SLC12A7: variants seen among roughly 807,000 people sequenced by gnomAD.
SLC12A7 encodes the protein K-Cl cotransporter 4.
In SLC12A7, 100 loss-of-function variants were observed where a neutral mutation model predicts 120.6. The observed-to-expected ratio is 0.83, with a 90% CI of 0.71 to 0.98. The LOEUF (loss-of-function observed/expected upper bound fraction) is 0.98. SLC12A7 is among the 50% of genes least tolerant of loss of function. SLC12A7 has a pLI of 0.00. For missense variants in SLC12A7, 1,373 were observed against 1,548.1 expected, an observed-to-expected ratio of 0.89 and a Z score of 1.90; for synonymous variants, 760 against 678.0, an observed-to-expected ratio of 1.12 and a Z score of -1.88.
Position 1,077,982 on chromosome 5 carries a change from G to C in SLC12A7, c.1480C>G (p.Leu494Val). ...DKFGEALQGN[L>V]VIGMLAWPSP... ...GGCCAGGCCAGCATGCCGATGACCA[G>C]GTTCCCCTGCAGGGCCTCCCCGAAC... The change falls in exon 12 of 24, where the codon CTG becomes GTG. Residue 494 changes from leucine to valine, a missense_variant. Coordinates refer to ENST00000264930, the MANE Select transcript of SLC12A7 (RefSeq NM_006598.3). 1 of 1,585,274 alleles carries C rather than the reference G, an allele frequency of 6.3e-7. No homozygotes were observed.
chr5:1,101,498 CCGCTGGT>C (rs1742010211), intron 1 of SLC12A7, among the ~76,000 whole-genome samples: 1 of 152,196 alleles, frequency 6.6e-6, no homozygotes, highest in Non-Finnish European at 1.5e-5. Context: ...AGGCCGACAG[CCGCTGGT>C]GGAGAACCAG....
Position 1,089,142 on chromosome 5 carries a change from T to C in SLC12A7, c.343-14A>G, listed in dbSNP as rs769765835. On this transcript the variant is annotated splice_polypyrimidine_tract_variant and intron_variant, in intron 3 of 23. Transcript: ENST00000264930. ...CATGCGCGGAGCCTGCGACAGAGCA[T>C]AGCGTGTCCCAGGGGCTCGTACCCC... The C allele has an allele frequency of 1.9e-6, 3 of 1,611,428 alleles. No individual in the cohort carries two copies. The highest frequency in any genetic ancestry group is 1.3e-5 in the African/African-American group (1 of 74,926).
At chr5:1,064,323 CAGCCA>C in intron 18 of SLC12A7, 71 bp from the exon 19 acceptor site, 1 of 1,531,226 alleles carries the variant, frequency 6.5e-7, no homozygotes, top group Non-Finnish European at 8.8e-7. Flanking sequence ...CGGGGACTCA[CAGCCA>C]GTGCAGGGGC....
the SLC12A7 span, among the ~76,000 whole-genome samples, chr5:1,151,406 C>T: frequency 1.1e-3 from 164 of 152,350 alleles, no homozygotes; most frequent in African/African-American, 3.8e-3. This position sits in a 1 kb window ranked among gnomAD's most constrained non-coding sequence, Gnocchi z 6.2. Context: ...GGCCCGGCCT[C>T]TGCCAGCCCC....
At chr5:1,073,912 G>A (rs1738017426) in intron 16 of SLC12A7, 111 bp from the exon 17 acceptor site, 4 of 1,086,860 alleles carry the variant, frequency 3.7e-6, no homozygotes, top group Non-Finnish European at 4.8e-6. Context: ...TGGGACGGGA[G>A]ATACATGACA....
the SLC12A7 span, among the ~76,000 whole-genome samples, chr5:1,147,400 G>A: frequency 1.3e-5 from 2 of 150,516 alleles, no homozygotes; most frequent in Admixed American, 1.3e-4. Flanking sequence ...GAGTCCCTCC[G>A]ACCCGGAGAG....
chr5:1,103,345 G>A (rs1253329020), intron 1 of SLC12A7, among the ~76,000 whole-genome samples: 1 of 152,190 alleles, frequency 6.6e-6, no homozygotes, highest in East Asian at 1.9e-4. Context: ...CACCGTCAGA[G>A]GCACTGGAAG....
intron 8 of SLC12A7, among the ~76,000 whole-genome samples, chr5:1,082,326 A>G (rs1325933693): frequency 1.4e-5 from 2 of 144,056 alleles, no homozygotes; most frequent in Non-Finnish European, 3.0e-5. Context: ...AGGGTTCTGG[A>G]AAGTCCGGGC....
At chr5:1,084,053 C>T (rs1265680105) in intron 7 of SLC12A7, 97 bp from the exon 8 acceptor site, 23 of 1,024,844 alleles carry the variant, frequency 2.2e-5, no homozygotes, top group East Asian at 7.7e-5. Context: ...GTGTCGCCCG[C>T]GAGTGGCTCC....
At chr5:1,085,740 C>CGGAGCCCGCGGGGGTCAGCGCACAGGCG (rs1739795025) in intron 6 of SLC12A7, among the ~76,000 whole-genome samples, 2 of 111,314 alleles carry the variant, frequency 1.8e-5, no homozygotes, top group Admixed American at 8.7e-5. Flanking sequence ...GCGCACAGGC[C>CGGAGCCCGCGGGGGTCAGCGCACAGGCG]ATGGACAGCC....
At chr5:1,150,120 G>A in the SLC12A7 span, among the ~76,000 whole-genome samples, 1 of 152,336 alleles carries the variant, frequency 6.6e-6, no homozygotes, top group African/African-American at 2.4e-5. Flanking sequence ...TGCTGTTGCT[G>A]TTGAGTTGTA....
In SLC12A7 at chr5:1,111,988, G is replaced by T; in HGVS notation, c.4C>A (p.Pro2Thr). 2 of 1,275,836 alleles carry T rather than the reference G, an allele frequency of 1.6e-6. No individual in the cohort carries two copies. The highest frequency in any genetic ancestry group is 3.1e-5 in the South Asian group (1 of 32,180). The allele number at this position is 1,275,836 out of a possible 1,614,324, so 79.0% of individuals were successfully genotyped here. Reference sequence around the variant, plus strand: ...ACGGGCACCACGGTGAAGTTGGTGGGCATGGCCGCCTGCAGCCGACAGTCC... The same window carrying T: ...ACGGGCACCACGGTGAAGTTGGTGGTCATGGCCGCCTGCAGCCGACAGTCC... Reference protein sequence around the residue: MPTNFTVVPVEA... With the variant: MTTNFTVVPVEA... The change falls in exon 1 of 24, where the codon CCC (proline) becomes ACC (threonine). Residue 2 changes from proline (P) to threonine (T), a missense_variant. Physicochemically the swap from Pro to Thr is conservative, Grantham distance 38 (BLOSUM62 -1). Coordinates refer to ENST00000264930, the MANE Select transcript of SLC12A7 (RefSeq NM_006598.3).
the SLC12A7 span, among the ~76,000 whole-genome samples, chr5:1,120,711 G>A: frequency 6.6e-6 from 1 of 152,214 alleles, no homozygotes; most frequent in Admixed American, 6.5e-5. Context: ...CACAGATGGC[G>A]TGTCCCTTCA....
intron 21 of SLC12A7, 44 bp from the exon 22 acceptor site, chr5:1,057,693 C>T: frequency 1.9e-6 from 3 of 1,553,670 alleles, no homozygotes; most frequent in Non-Finnish European, 2.6e-6. Context: ...TCTCAAAACT[C>T]CTCTGGGCGA....
chr5:1,142,346 TCTTCC>T, the SLC12A7 span, among the ~76,000 whole-genome samples: 1 of 85,500 alleles, frequency 1.2e-5, no homozygotes, highest in African/African-American at 4.8e-5. Flanking sequence ...CCCTCTCCCC[TCTTCC>T]CTCTCCCCTC....
At chr5:1,102,283 C>T (rs57803195) in intron 1 of SLC12A7, among the ~76,000 whole-genome samples, 1 of 152,132 alleles carries the variant, frequency 6.6e-6, no homozygotes. Context: ...CTGGGAAGTG[C>T]GTTCATGGGT....
intron 16 of SLC12A7, 68 bp downstream of exon 16, chr5:1,074,499 C>G (rs1009057108): frequency 8.9e-6 from 13 of 1,464,962 alleles, no homozygotes; most frequent in Middle Eastern, 3.5e-4. Context: ...AAGGTCCCCA[C>G]TCAAAGGCCG....
At chr5:1,076,894 A>T in intron 12 of SLC12A7, 82 bp from the exon 13 acceptor site, 1 of 944,962 alleles carries the variant, frequency 1.1e-6, no homozygotes, top group South Asian at 1.3e-5. Context: ...GGTCTAGCCC[A>T]GATGAATCTT....
At chr5:1,119,630 C>T in the SLC12A7 span, among the ~76,000 whole-genome samples, 5 of 152,370 alleles carry the variant, frequency 3.3e-5, 1 homozygote, top group South Asian at 8.3e-4. Flanking sequence ...ACGGGAACAA[C>T]GGACTTTGAG....
Sources: allele counts gnomAD v4.1 joint callset (sites outside exome capture counted in the v4.1 genomes callset), GRCh38; gene constraint gnomAD v4.1.1; non-coding constraint Gnocchi (gnomAD v3.1); transcripts MANE v1.5; gene names NCBI Gene and HGNC (gene_info 2026-07-23, HGNC 2026-07-21).